The following SH3D19 variants were observed in gnomAD, a reference collection of about 807,000 sequenced individuals.
SH3D19 encodes SH3 domain containing 19.
Under a neutral mutation model 112.1 loss-of-function variants are expected in SH3D19, and 58 were observed. That is an observed-to-expected ratio of 0.52 (90% confidence interval 0.42 to 0.64). SH3D19 has a LOEUF of 0.64. Among genes scored for constraint, SH3D19 ranks in the 30% least tolerant of loss-of-function variants. The probability of loss-of-function intolerance (pLI) is 0.00; values close to 1 mark genes in which losing one functional copy is unlikely to be tolerated. For missense variants in SH3D19, 1,090 were observed against 1,263.4 expected (o/e 0.86, Z 2.08); for synonymous variants, 391 against 448.5 (o/e 0.87, Z 1.62).
intron 2 of SH3D19, among the ~76,000 whole-genome samples, chr4:151,222,965 C>A (rs1208529801): frequency 3.3e-5 from 5 of 150,216 alleles, no homozygotes; most frequent in African/African-American, 1.2e-4. Flanking sequence ...ACGCGCCCGG[C>A]CTCTTTGGTC....
At chr4:151,156,467 A>G (rs1392745687) in intron 9 of SH3D19, among the ~76,000 whole-genome samples, 6 of 152,250 alleles carry the variant, frequency 3.9e-5, no homozygotes, top group Non-Finnish European at 7.3e-5. Flanking sequence ...ACCTAGCATA[A>G]TAACAGACAC....
rs556853255 is a variant in SH3D19, at chr4:151,276,140, G to T, written c.112+49101C>A. 5.3e-5 allele frequency among the ~76,000 whole-genome samples: 8 copies of T among 152,268 alleles called. No individual in the cohort carries two copies. In the East Asian group the frequency reaches 1.5e-3, roughly 29 times the overall value. On this transcript the variant is annotated intron_variant, in intron 1 of 19. Coordinates refer to ENST00000604030, the MANE Select transcript of SH3D19 (RefSeq NM_001378122.1). ...TTACAGGCATGAGCCACCGTGCCTG[G>T]CCTATTAGTTTTAAACTGCTTATAT...
At chr4:151,205,468 G>A (rs1247017780) in intron 2 of SH3D19, among the ~76,000 whole-genome samples, 1 of 152,170 alleles carries the variant, frequency 6.6e-6, no homozygotes, top group African/African-American at 2.4e-5. Context: ...ACTGTGTGAG[G>A]AGTCTGGGGG....
Position 151,164,502 on chromosome 4 carries a change from T to G in SH3D19, c.1642+1087A>C, listed in dbSNP as rs571846216. ...AGTACTTATTAAAGCTCCTATAGAA[T>G]TTCATTTGTTATACTATTAAAAAAT... On this transcript the variant is annotated intron_variant, in intron 8 of 19. Transcript: ENST00000604030. Among the ~76,000 whole-genome samples, 7 of 152,278 alleles carry G rather than the reference T, an allele frequency of 4.6e-5. No homozygotes were observed. In the South Asian group the frequency reaches 1.2e-3, roughly 27 times the overall value.
intron 17 of SH3D19, among the ~76,000 whole-genome samples, chr4:151,132,118 C>T (rs549293878): frequency 1.6e-4 from 25 of 152,160 alleles, no homozygotes; most frequent in African/African-American, 5.6e-4. Flanking sequence ...GCCACTCTGC[C>T]CAGTCTCTGT....
intron 1 of SH3D19, among the ~76,000 whole-genome samples, chr4:151,306,242 G>C (rs959840147): frequency 6.6e-6 from 1 of 152,088 alleles, no homozygotes; most frequent in Non-Finnish European, 1.5e-5. Context: ...AAAATTCATA[G>C]AACTGTTCAC....
At chr4:151,237,726 TATG>T (rs1306356136) in intron 1 of SH3D19, among the ~76,000 whole-genome samples, 6 of 152,230 alleles carry the variant, frequency 3.9e-5, no homozygotes, top group African/African-American at 1.4e-4. Flanking sequence ...CATCTACTAT[TATG>T]ATAATAGTAT....
chr4:151,265,947 C>T (rs891935066), intron 1 of SH3D19: 16 of 152,122 alleles, frequency 1.1e-4, no homozygotes, highest in African/African-American at 3.6e-4. Context: ...GGAATGGGAA[C>T]TATTTTCACT....
intron 2 of SH3D19, among the ~76,000 whole-genome samples, chr4:151,217,072 C>G (rs999604569): frequency 1.3e-5 from 2 of 152,110 alleles, no homozygotes; most frequent in Non-Finnish European, 2.9e-5. Flanking sequence ...TAATGTTTCT[C>G]TTATTGCTTA....
intron 1 of SH3D19, among the ~76,000 whole-genome samples, chr4:151,266,781 C>A (rs1199516485): frequency 3.9e-5 from 6 of 152,192 alleles, no homozygotes; most frequent in African/African-American, 1.4e-4. Context: ...ATATCTATCT[C>A]ATTTCCTAAC....
intron 1 of SH3D19, among the ~76,000 whole-genome samples, chr4:151,243,663 C>T (rs1770717818): frequency 6.6e-6 from 1 of 152,200 alleles, no homozygotes; most frequent in Non-Finnish European, 1.5e-5. Flanking sequence ...ATTTTGAAAA[C>T]TGAAACAGAC....
At chr4:151,230,310 A>G (rs1029776206) in intron 1 of SH3D19, among the ~76,000 whole-genome samples, 3 of 152,228 alleles carry the variant, frequency 2.0e-5, no homozygotes, top group Admixed American at 6.5e-5. Flanking sequence ...TGAAATGGAG[A>G]TGACAAAAAT....
chr4:151,319,762 A>G (rs1333976946), intron 1 of SH3D19, among the ~76,000 whole-genome samples: 1 of 152,224 alleles, frequency 6.6e-6, no homozygotes, highest in Non-Finnish European at 1.5e-5. Context: ...TAAGAATCCA[A>G]ATGAATGCAG....
Position 151,299,679 on chromosome 4 carries a change from G to A in SH3D19, c.112+25562C>T, listed in dbSNP as rs1359254539. ...CCTATTCCCTTATGAGTTCAATGAAGTTATTTTAATTTCTGGAACAGAGGG... is the reference window on the plus strand; with the variant it reads ...CCTATTCCCTTATGAGTTCAATGAAATTATTTTAATTTCTGGAACAGAGGG... On this transcript the variant is annotated intron_variant, in intron 1 of 19. Transcript: ENST00000604030. 4.0e-5 allele frequency among the ~76,000 whole-genome samples: 6 copies of A among 151,650 alleles called. No homozygotes were observed. The East Asian group carries it at 1.2e-3, about 29-fold the overall frequency.
intron 9 of SH3D19, among the ~76,000 whole-genome samples, chr4:151,151,240 C>T (rs564900686): frequency 3.9e-5 from 6 of 152,138 alleles, no homozygotes; most frequent in South Asian, 2.1e-4. Flanking sequence ...GGATTACACG[C>T]GTGAGCCACC....
intron 1 of SH3D19, among the ~76,000 whole-genome samples, chr4:151,253,346 T>TAAGAAATCAC (rs1771553291): frequency 6.6e-6 from 1 of 152,176 alleles, no homozygotes; most frequent in Non-Finnish European, 1.5e-5. Flanking sequence ...ACCTCTCAGG[T>TAAGAAATCAC]CTCTGCTCAG....
At chr4:151,320,379 G>T (rs1232119809) in intron 1 of SH3D19, among the ~76,000 whole-genome samples, 1 of 152,142 alleles carries the variant, frequency 6.6e-6, no homozygotes, top group Non-Finnish European at 1.5e-5. Flanking sequence ...AGAATCTGAT[G>T]AAAGCTATGG....
chr4:151,277,903 TG>T (rs1225269955), intron 1 of SH3D19, among the ~76,000 whole-genome samples: 1 of 151,984 alleles, frequency 6.6e-6, no homozygotes, highest in Non-Finnish European at 1.5e-5. Context: ...TAGCCGGGCG[TG>T]GTGGCGGGCA....
intron 1 of SH3D19, among the ~76,000 whole-genome samples, chr4:151,288,655 C>T (rs971414647): frequency 6.6e-6 from 1 of 150,692 alleles, no homozygotes; most frequent in East Asian, 1.9e-4. Flanking sequence ...GGCGGGGCAA[C>T]GAAGCGAGAC....
Sources: allele counts gnomAD v4.1 joint callset (sites outside exome capture counted in the v4.1 genomes callset), GRCh38; gene constraint gnomAD v4.1.1; transcripts MANE v1.5; gene names NCBI Gene and HGNC (gene_info 2026-07-23, HGNC 2026-07-21).